SMG6: variants seen among roughly 807,000 people sequenced by gnomAD.
SMG6 encodes the protein SMG6 nonsense mediated mRNA decay factor.
SMG6 carries 66 observed loss-of-function variants against 142.2 expected under a neutral mutation model. The observed-to-expected ratio is 0.46, with a 90% confidence interval of 0.38 to 0.57. The LOEUF (loss-of-function observed/expected upper bound fraction) is 0.57. SMG6 is among the 20% of genes least tolerant of loss of function. The probability of loss-of-function intolerance (pLI) is 0.00; values close to 1 mark genes in which losing one functional copy is unlikely to be tolerated. For missense variants in SMG6, 1,793 were observed against 1,832.0 expected, an observed-to-expected ratio of 0.98 and a Z score of 0.39; for synonymous variants, 779 against 702.4, an observed-to-expected ratio of 1.11 and a Z score of -1.72.
At position 2,142,793 on chromosome 17, in the gene SMG6, C is replaced by G. The variant is rs980625303; in HGVS notation, c.3357+29865G>C. ...ACCCCAGCTACTCGGGAGGCTGAGGCGGGAGAATTGGTTGAACCTGGGAGG... is the reference window on the plus strand; with the variant it reads ...ACCCCAGCTACTCGGGAGGCTGAGGGGGGAGAATTGGTTGAACCTGGGAGG... On this transcript the variant is annotated intron_variant, in intron 13 of 18. Coordinates refer to ENST00000263073, the MANE Select transcript of SMG6 (RefSeq NM_017575.5). 9.0e-5 allele frequency among the ~76,000 whole-genome samples: 13 copies of G among 143,930 alleles called. No homozygotes were observed. The Admixed American group carries it at 9.5e-4, about 11-fold the overall frequency. 94.4% of individuals were successfully genotyped at this position (143,930 alleles called of 152,430 possible).
chr17:2,199,549 A>T (rs998148522), intron 10 of SMG6, among the ~76,000 whole-genome samples: 6 of 151,238 alleles, frequency 4.0e-5, no homozygotes, highest in Non-Finnish European at 5.9e-5. Context: ...TCAAAAAAAT[A>T]AATAAAAATA....
chr17:2,273,921 T>G (rs1251783571), intron 8 of SMG6, among the ~76,000 whole-genome samples: 1 of 152,244 alleles, frequency 6.6e-6, no homozygotes, highest in Non-Finnish European at 1.5e-5. Flanking sequence ...ATTCACTAAT[T>G]CAGTGTTTGT....
intron 13 of SMG6, chr17:2,127,929 T>A (rs950851465): frequency 1.6e-5 from 9 of 564,644 alleles, no homozygotes; most frequent in Non-Finnish European, 3.1e-5. Context: ...CCTGGACCAA[T>A]GCAGACACAA....
chr17:2,077,724 G>A (rs747809706), intron 15 of SMG6, among the ~76,000 whole-genome samples: 2 of 152,144 alleles, frequency 1.3e-5, no homozygotes, highest in Admixed American at 6.5e-5. Flanking sequence ...GGTTATTCAC[G>A]GGCATGATCA....
At chr17:2,086,046 G>A in intron 13 of SMG6, 145 bp from the exon 14 acceptor site, 1 of 788,866 alleles carries the variant, frequency 1.3e-6, no homozygotes, top group Non-Finnish European at 2.1e-6. Flanking sequence ...GGGTGCGGAG[G>A]GCACAAGGGC....
At chr17:2,258,056 C>CATATAT (rs1281197987) in intron 8 of SMG6, among the ~76,000 whole-genome samples, 3 of 96,776 alleles carry the variant, frequency 3.1e-5, no homozygotes, top group Admixed American at 1.2e-4. Flanking sequence ...CACACACACA[C>CATATAT]ACACACACAC....
Position 2,081,816 on chromosome 17 carries a change from C to A in SMG6, c.3675G>T (p.Lys1225Asn). ...CTCCCCAGGCCGACTTCACCTGGAT[C>A]TTTTCCTGGCGACGCTGCTGCTCAG... is the stretch of plus-strand genomic sequence containing the variant. The part of the protein sequence containing the change: ...KIAEQQRRQE[K>N]IQAVLEDHSQ... Residue 1225 changes from lysine (K) to asparagine (N), a missense_variant, in exon 15 of 19, where the codon AAG (lysine) becomes AAT (asparagine). Around this residue, in one of 3 missense-constraint regions of SMG6, gnomAD observed 1,597 missense variants for 1,584.6 expected, o/e 1.01. Coordinates refer to ENST00000263073, the MANE Select transcript of SMG6 (RefSeq NM_017575.5). 6.2e-7 allele frequency: 1 copy of A among 1,613,510 alleles called. No homozygotes were observed. The highest frequency in any genetic ancestry group is 8.5e-7 in the Non-Finnish European group (1 of 1,180,040).
chr17:2,244,788 C>G, intron 8 of SMG6, 69 bp from the exon 9 acceptor site: 1 of 1,308,548 alleles, frequency 7.6e-7, no homozygotes, highest in Non-Finnish European at 1.1e-6. Context: ...GAACAGAGTC[C>G]CCAGTGACAC....
In SMG6 at chr17:2,081,953, C is replaced by T; in HGVS notation, c.3538G>A (p.Glu1180Lys). The part of the protein sequence containing the change: ...QEGTRLEDEE[E>K]DVVIEDFEED... Reference sequence around the variant, plus strand: ...TCAAAGTCTTCAATCACCACATCCTCCTCCTTTGGGTGGTGGAGCCGACCA... The same window carrying T: ...TCAAAGTCTTCAATCACCACATCCTTCTCCTTTGGGTGGTGGAGCCGACCA... Residue 1180 changes from glutamate to lysine, a missense_variant, in exon 15 of 19, where the codon GAG (glutamate) becomes AAG (lysine). Glu to Lys is a moderately conservative substitution (Grantham distance 56). Around this residue, in one of 3 missense-constraint regions of SMG6, gnomAD observed 1,597 missense variants for 1,584.6 expected, o/e 1.01. Coordinates refer to ENST00000263073, the MANE Select transcript of SMG6 (RefSeq NM_017575.5). 1 of 1,614,148 alleles carries T rather than the reference C, an allele frequency of 6.2e-7. No individual in the cohort carries two copies. The highest frequency in any genetic ancestry group is 8.5e-7 in the Non-Finnish European group (1 of 1,180,028).
chr17:2,218,853 T>C (rs2073093440), intron 10 of SMG6, among the ~76,000 whole-genome samples: 3 of 151,850 alleles, frequency 2.0e-5, no homozygotes, highest in Admixed American at 2.0e-4. Flanking sequence ...TCAATACAGG[T>C]TCACTGACTG....
intron 13 of SMG6, among the ~76,000 whole-genome samples, chr17:2,086,644 C>T (rs959402061): frequency 1.3e-5 from 2 of 152,224 alleles, no homozygotes; most frequent in Non-Finnish European, 2.9e-5. Context: ...TGAGATGAAA[C>T]TCAGTATCTT....
intron 13 of SMG6, among the ~76,000 whole-genome samples, chr17:2,142,090 C>T (rs890080206): frequency 6.6e-6 from 1 of 152,084 alleles, no homozygotes; most frequent in African/African-American, 2.4e-5. Flanking sequence ...GACTCCAATG[C>T]CTGGGCTCCA....
At chr17:2,240,378 A>G (rs2073770121) in intron 9 of SMG6, among the ~76,000 whole-genome samples, 1 of 152,168 alleles carries the variant, frequency 6.6e-6, no homozygotes, top group African/African-American at 2.4e-5. Context: ...AATCCAGGTT[A>G]GTTTTTCTCA....
At chr17:2,118,486 C>T (rs1377761881) in intron 13 of SMG6, among the ~76,000 whole-genome samples, 2 of 152,032 alleles carry the variant, frequency 1.3e-5, no homozygotes, top group Non-Finnish European at 2.9e-5. Context: ...TAGCAGTGAG[C>T]CAAGATCGTG....
At chr17:2,268,027 G>T (rs926226084) in intron 8 of SMG6, among the ~76,000 whole-genome samples, 3 of 152,030 alleles carry the variant, frequency 2.0e-5, no homozygotes, top group Admixed American at 6.6e-5. Flanking sequence ...GATTACAGGC[G>T]TGAGCCACTG....
chr17:2,115,581 G>A (rs889811072), intron 13 of SMG6, among the ~76,000 whole-genome samples: 3 of 152,236 alleles, frequency 2.0e-5, no homozygotes, highest in Non-Finnish European at 4.4e-5. Flanking sequence ...CATCATTGCA[G>A]TTCAGTGGGG....
chr17:2,110,006 C>G (rs2069265904), intron 13 of SMG6, among the ~76,000 whole-genome samples: 1 of 150,470 alleles, frequency 6.6e-6, no homozygotes, highest in Admixed American at 6.6e-5. Flanking sequence ...TTGCTTGAAC[C>G]CGGAGGCAGA....
intron 18 of SMG6, 169 bp from the exon 19 acceptor site, chr17:2,061,791 C>T (rs7214308): frequency 0.77 from 544,874 of 710,756 alleles, 210,378 homozygotes; most frequent in East Asian, 0.94. Context: ...CGGGGACCCT[C>T]CCCTGCTGGC....
At chr17:2,291,609 A>C (rs1046925908) in intron 6 of SMG6, among the ~76,000 whole-genome samples, 20 of 151,916 alleles carry the variant, frequency 1.3e-4, no homozygotes, top group African/African-American at 4.3e-4. Context: ...ATTTCAATCC[A>C]TAATTATTAA....
Sources: allele counts gnomAD v4.1 joint callset (sites outside exome capture counted in the v4.1 genomes callset), GRCh38; gene constraint gnomAD v4.1.1; regional missense constraint gnomAD v4.1.1; transcripts MANE v1.5; gene names NCBI Gene and HGNC (gene_info 2026-07-23, HGNC 2026-07-21).